KCNH1: variants seen among roughly 807,000 people sequenced by gnomAD.
KCNH1 encodes voltage-gated delayed rectifier potassium channel KCNH1.
KCNH1 carries 27 observed loss-of-function variants against 69.2 expected under a neutral mutation model. That is an observed-to-expected ratio of 0.39 (90% CI 0.29 to 0.54). The LOEUF (loss-of-function observed/expected upper bound fraction) is 0.54. KCNH1 is among the 20% of genes least tolerant of loss of function. KCNH1 has a pLI of 0.68. For synonymous variants in KCNH1, 456 were observed against 487.7 expected (o/e 0.93, Z 0.86); for missense variants, 798 against 1,261.6 (o/e 0.63, Z 5.57).
chr1:210,803,668 G>C (rs1364668733), intron 8 of KCNH1, among the ~76,000 whole-genome samples: 4 of 152,228 alleles, frequency 2.6e-5, no homozygotes, highest in Non-Finnish European at 5.9e-5. Context: ...TCATGGCTCT[G>C]ATTCTTATCA....
chr1:210,956,418 A>C (rs1254372009), intron 6 of KCNH1, among the ~76,000 whole-genome samples: 1 of 152,204 alleles, frequency 6.6e-6, no homozygotes, highest in Non-Finnish European at 1.5e-5. Context: ...TGGCTTCATA[A>C]AATGAGTTAG....
intron 6 of KCNH1, among the ~76,000 whole-genome samples, chr1:210,933,526 TA>T (rs35513980): frequency 0.44 from 65,974 of 149,690 alleles, 14,756 homozygotes; most frequent in South Asian, 0.49. Flanking sequence ...TAATAAAATT[TA>T]AAAAAAAAAT....
chr1:211,066,917 C>G (rs1485512471), intron 5 of KCNH1, among the ~76,000 whole-genome samples: 1 of 152,180 alleles, frequency 6.6e-6, no homozygotes, highest in East Asian at 1.9e-4. Context: ...ATACCCACCC[C>G]CCAGGACATG....
intron 1 of KCNH1, among the ~76,000 whole-genome samples, chr1:211,129,127 A>G (rs2102504459): frequency 6.6e-6 from 1 of 152,306 alleles, no homozygotes; most frequent in East Asian, 1.9e-4. Flanking sequence ...TCTCTTTCTC[A>G]ACAGTTACAG....
intron 10 of KCNH1, among the ~76,000 whole-genome samples, chr1:210,697,926 TGTG>T (rs1279953560): frequency 3.9e-5 from 6 of 152,230 alleles, no homozygotes; most frequent in Non-Finnish European, 8.8e-5. Context: ...TTAGGGGACT[TGTG>T]GTGCATATCA....
intron 9 of KCNH1, among the ~76,000 whole-genome samples, chr1:210,778,248 T>C (rs1683899887): frequency 6.6e-6 from 1 of 152,120 alleles, no homozygotes; most frequent in East Asian, 1.9e-4. Context: ...AATAAGAAGT[T>C]TCTTAAGCCA....
At chr1:211,064,236 T>C (rs115959194) in intron 5 of KCNH1, among the ~76,000 whole-genome samples, 1,628 of 152,246 alleles carry the variant, frequency 0.011, 36 homozygotes, top group African/African-American at 0.037. Context: ...TAGGAAAATA[T>C]ACCTATTATA....
chr1:210,989,746 G>A (rs1272172059), intron 6 of KCNH1, among the ~76,000 whole-genome samples: 4 of 152,142 alleles, frequency 2.6e-5, no homozygotes, highest in East Asian at 1.9e-4. Flanking sequence ...TATAGGTATC[G>A]AGATACCTGT....
At chr1:210,840,480 C>T (rs995294579) in intron 7 of KCNH1, among the ~76,000 whole-genome samples, 1 of 152,094 alleles carries the variant, frequency 6.6e-6, no homozygotes, top group Non-Finnish European at 1.5e-5. Flanking sequence ...TACATGCCTG[C>T]GGCAGGCAGG....
intron 6 of KCNH1, among the ~76,000 whole-genome samples, chr1:211,006,218 C>T (rs921670352): frequency 2.0e-5 from 3 of 152,116 alleles, no homozygotes; most frequent in African/African-American, 4.8e-5. Flanking sequence ...TATACATACA[C>T]GTATAGCCCA....
intron 7 of KCNH1, among the ~76,000 whole-genome samples, chr1:210,882,571 C>T (rs541181448): frequency 1.3e-5 from 2 of 152,254 alleles, no homozygotes; most frequent in South Asian, 2.1e-4. Flanking sequence ...AACCCACCTC[C>T]GCCCCCTTTA....
At chr1:210,814,469 G>C (rs1684773044) in intron 7 of KCNH1, among the ~76,000 whole-genome samples, 1 of 152,034 alleles carries the variant, frequency 6.6e-6, no homozygotes, top group African/African-American at 2.4e-5. Flanking sequence ...TTTATCATCA[G>C]ATGTCTTAAT....
At chr1:210,686,378 A>G (rs1385270900) in intron 10 of KCNH1, among the ~76,000 whole-genome samples, 1 of 152,158 alleles carries the variant, frequency 6.6e-6, no homozygotes, top group Non-Finnish European at 1.5e-5. Context: ...GTCTTCCCTG[A>G]TTCCAATGTG....
intron 7 of KCNH1, among the ~76,000 whole-genome samples, chr1:210,915,075 C>G (rs966954814): frequency 1.3e-5 from 2 of 152,150 alleles, no homozygotes; most frequent in African/African-American, 4.8e-5. Context: ...AGAGCTCCCC[C>G]AAACAGGGTC....
chr1:210,792,987 T>C (rs1167513930), intron 9 of KCNH1, among the ~76,000 whole-genome samples: 7 of 152,130 alleles, frequency 4.6e-5, no homozygotes, highest in African/African-American at 1.7e-4. Flanking sequence ...AGGGGAAAAA[T>C]GGTATCTCTA....
At chr1:210,789,909 TTC>T (rs1465450515) in intron 9 of KCNH1, among the ~76,000 whole-genome samples, 2 of 152,250 alleles carry the variant, frequency 1.3e-5, no homozygotes, top group African/African-American at 4.8e-5. Flanking sequence ...TCCCATTTCT[TTC>T]TCTTTTTAGA....
chr1:210,694,213 TA>T (rs1422939130), intron 10 of KCNH1, among the ~76,000 whole-genome samples: 2 of 151,742 alleles, frequency 1.3e-5, no homozygotes. Flanking sequence ...GGAAATAGGG[TA>T]AGACTGCCAC....
chr1:211,134,122 C>G lies in KCNH1; in HGVS notation c.-177G>C, dbSNP rs1216179787. 3 of 497,398 alleles carry G rather than the reference C, an allele frequency of 6.0e-6. No homozygotes were observed. The highest frequency in any genetic ancestry group is 7.3e-5 in the East Asian group (2 of 27,502). 30.8% of individuals were successfully genotyped at this position (497,398 alleles called of 1,614,324 possible). ...CTACCCTCGCGCCCTCTTCGCGCCT[C>G]CCTCCCTGCGGCCCGCCTCGCAGTG... On this transcript the variant is annotated 5_prime_UTR_variant, in exon 1 of 11. Coordinates refer to ENST00000271751, the MANE Select transcript of KCNH1 (RefSeq NM_172362.3). This position sits in a 1 kb window ranked among gnomAD's most constrained non-coding sequence, Gnocchi z 5.7.
rs546338474 is a variant in KCNH1, at chr1:210,889,815, A to G, written c.1462+29825T>C. Among the ~76,000 whole-genome samples, 5 of 152,296 alleles carry G rather than the reference A, an allele frequency of 3.3e-5. No homozygotes were observed. The East Asian group carries it at 9.6e-4, about 29-fold the overall frequency. On this transcript the variant is annotated intron_variant, in intron 7 of 10. Coordinates refer to ENST00000271751, the MANE Select transcript of KCNH1 (RefSeq NM_172362.3). ...ACAATTACTACAAAGAGAATAAAAT[A>G]CCTAGGAATACAACTTACAAGGGAT...
Sources: gnomAD v4.1 joint callset for allele counts (sites outside exome capture counted in the v4.1 genomes callset) on GRCh38, gnomAD v4.1.1 for gene constraint, Gnocchi (gnomAD v3.1) non-coding constraint, MANE v1.5 for transcripts, NCBI Gene and HGNC (gene_info 2026-07-23, HGNC 2026-07-21) for gene names.